Variants in RIT2 observed in about 807,000 individuals in gnomAD.
The protein encoded by RIT2 is GTP-binding protein Rit2.
A neutral mutation model predicts 23.7 loss-of-function variants in RIT2; 24 were observed. The ratio of observed to expected loss-of-function variants is 1.01; its 90% CI spans 0.73 to 1.43. The LOEUF is 1.43. RIT2 is among the 40% of genes most tolerant of loss of function. The pLI is 0.00. For missense variants in RIT2, 236 were observed against 266.9 expected, an observed-to-expected ratio of 0.88 and a Z score of 0.81; for synonymous variants, 107 against 91.1, an observed-to-expected ratio of 1.17 and a Z score of -0.99.
chr18:42,805,587 G>A (rs1284941385), intron 4 of RIT2, among the ~76,000 whole-genome samples: 3 of 151,976 alleles, frequency 2.0e-5, no homozygotes, highest in African/African-American at 7.3e-5. Context: ...TTGTACTCAT[G>A]CCTGATTTTG....
chr18:42,805,736 T>C (rs1461798722), intron 4 of RIT2, among the ~76,000 whole-genome samples: 1 of 152,118 alleles, frequency 6.6e-6, no homozygotes, highest in Non-Finnish European at 1.5e-5. Flanking sequence ...CAAATCTTTA[T>C]GTGTAGGGAG....
intron 1 of RIT2, among the ~76,000 whole-genome samples, chr18:43,110,026 T>C (rs575985397): frequency 1.3e-5 from 2 of 152,286 alleles, no homozygotes; most frequent in East Asian, 3.9e-4. Flanking sequence ...AATCTCTTGA[T>C]AGTTCTGTGC....
At position 42,743,557 on chromosome 18, in the gene RIT2, C is replaced by G. The variant is rs77976328; in HGVS notation, c.590G>C (p.Arg197Thr). 1 of 1,614,008 alleles carries G rather than the reference C, an allele frequency of 6.2e-7. No individual in the cohort carries two copies. Among genetic ancestry groups the G allele is most frequent in the Non-Finnish European group, 8.5e-7 (1 of 1,179,954 alleles). ...MPSLMEKKLK[R>T]KDSLWKKLKG... Reference sequence around the variant, plus strand: ...GAGCTTCTTCCACAGGCTGTCTTTTCTCTTCAGTTTCTTTTCCATCAAGGA... The same window carrying G: ...GAGCTTCTTCCACAGGCTGTCTTTTGTCTTCAGTTTCTTTTCCATCAAGGA... Residue 197 changes from arginine to threonine, a missense_variant, in exon 5 of 5, where the codon AGA (arginine) becomes ACA (threonine). Coordinates refer to ENST00000326695, the MANE Select transcript of RIT2 (RefSeq NM_002930.4).
At chr18:42,881,984 G>A (rs1417927492) in intron 4 of RIT2, among the ~76,000 whole-genome samples, 4 of 152,116 alleles carry the variant, frequency 2.6e-5, no homozygotes, top group African/African-American at 9.7e-5. Flanking sequence ...CTGCATGATT[G>A]TACAAATCTT....
chr18:42,789,825 C>T (rs1464719601), intron 4 of RIT2, among the ~76,000 whole-genome samples: 1 of 152,092 alleles, frequency 6.6e-6, no homozygotes, highest in African/African-American at 2.4e-5. Flanking sequence ...AATTATCTTG[C>T]CCGATTGCTC....
At chr18:42,834,298 G>T (rs2144013987) in intron 4 of RIT2, among the ~76,000 whole-genome samples, 1 of 152,262 alleles carries the variant, frequency 6.6e-6, no homozygotes, top group Middle Eastern at 3.4e-3. Flanking sequence ...CTGCAGTCTA[G>T]ATTTGTACTT....
chr18:43,074,042 T>C (rs753553800), intron 1 of RIT2, among the ~76,000 whole-genome samples: 6 of 152,098 alleles, frequency 3.9e-5, no homozygotes, highest in Non-Finnish European at 7.3e-5. Flanking sequence ...AAAAAATGGG[T>C]AGTTTTACAA....
chr18:43,022,617 T>C (rs1049193034), intron 2 of RIT2, among the ~76,000 whole-genome samples: 19 of 152,186 alleles, frequency 1.2e-4, no homozygotes, highest in African/African-American at 4.3e-4. Flanking sequence ...AAAGTTTCCA[T>C]ATTAACCTCC....
intron 4 of RIT2, among the ~76,000 whole-genome samples, chr18:42,840,923 G>A (rs1175565107): frequency 1.3e-5 from 2 of 152,174 alleles, no homozygotes; most frequent in Non-Finnish European, 2.9e-5. Flanking sequence ...TCTGTCATAT[G>A]GTAAATCCCA....
chr18:43,030,192 T>C (rs867392515), intron 2 of RIT2, among the ~76,000 whole-genome samples: 44 of 152,152 alleles, frequency 2.9e-4, no homozygotes, highest in African/African-American at 8.9e-4. Context: ...ATATTAAAAA[T>C]ATTCAACATT....
At chr18:42,923,346 T>C (rs1307238612) in intron 4 of RIT2, 1 of 512,106 alleles carries the variant, frequency 2.0e-6, no homozygotes, top group African/African-American at 1.9e-5. Flanking sequence ...TCCCAGATCC[T>C]AGGGGATAGG....
chr18:42,797,298 G>T (rs902534947), intron 4 of RIT2, among the ~76,000 whole-genome samples: 2 of 152,084 alleles, frequency 1.3e-5, no homozygotes, highest in Non-Finnish European at 2.9e-5. Flanking sequence ...GTACTGAAAA[G>T]GAGGACAAGA....
intron 4 of RIT2, among the ~76,000 whole-genome samples, chr18:42,832,198 G>A (rs990110918): frequency 1.3e-5 from 2 of 152,170 alleles, no homozygotes; most frequent in African/African-American, 2.4e-5. Context: ...GGTCCAGGGC[G>A]TGTCACTAGA....
At chr18:42,886,125 T>C (rs1908016711) in intron 4 of RIT2, among the ~76,000 whole-genome samples, 1 of 152,216 alleles carries the variant, frequency 6.6e-6, no homozygotes, top group African/African-American at 2.4e-5. Flanking sequence ...TTTACTGCTG[T>C]CTATGATTTT....
intron 2 of RIT2, among the ~76,000 whole-genome samples, chr18:43,019,495 A>AC (rs1440252216): frequency 6.6e-6 from 1 of 151,852 alleles, no homozygotes; most frequent in Non-Finnish European, 1.5e-5. Flanking sequence ...TCCCTTCATG[A>AC]CAAAAAAAAA....
At chr18:43,110,997 C>T (rs55819234) in intron 1 of RIT2, among the ~76,000 whole-genome samples, 1 of 152,056 alleles carries the variant, frequency 6.6e-6, no homozygotes, top group East Asian at 1.9e-4. Flanking sequence ...CAGCTAAAAT[C>T]TACTAATTTA....
intron 1 of RIT2, among the ~76,000 whole-genome samples, chr18:43,104,414 TAGAG>T (rs1401378523): frequency 2.0e-5 from 3 of 152,154 alleles, no homozygotes; most frequent in African/African-American, 7.2e-5. Flanking sequence ...TTCAAAAAGT[TAGAG>T]AGGATTTTAA....
At chr18:42,999,719 T>C (rs72895278) in intron 2 of RIT2, among the ~76,000 whole-genome samples, 7,207 of 152,094 alleles carry the variant, frequency 0.047, 212 homozygotes, top group Middle Eastern at 0.14. Flanking sequence ...AATTTCATGA[T>C]TTTCAAACTC....
intron 3 of RIT2, among the ~76,000 whole-genome samples, chr18:42,965,302 C>T (rs1910189787): frequency 6.6e-6 from 1 of 152,106 alleles, no homozygotes; most frequent in Non-Finnish European, 1.5e-5. Context: ...AATATTTTCT[C>T]TTACCTAATG....
Sources: allele counts gnomAD v4.1 joint callset (sites outside exome capture counted in the v4.1 genomes callset), GRCh38; gene constraint gnomAD v4.1.1; transcripts MANE v1.5; gene names NCBI Gene and HGNC (gene_info 2026-07-23, HGNC 2026-07-21).